DNMT3B: variants seen among roughly 807,000 people sequenced by gnomAD.
The protein encoded by DNMT3B is DNA (cytosine-5)-methyltransferase 3B.
A neutral mutation model predicts 120.2 loss-of-function variants in DNMT3B; 37 were observed. That is an observed-to-expected ratio of 0.31 (90% CI 0.24 to 0.40). The LOEUF is 0.40. DNMT3B is among the 10% of genes least tolerant of loss of function. The probability of loss-of-function intolerance (pLI) is 1.00; values close to 1 mark genes in which losing one functional copy is unlikely to be tolerated. For synonymous variants in DNMT3B, 412 were observed against 442.8 expected (o/e 0.93, Z 0.87); for missense variants, 878 against 1,137.3 (o/e 0.77, Z 3.28).
intron 21 of DNMT3B, among the ~76,000 whole-genome samples, chr20:32,805,740 T>C (rs1981900903): frequency 6.6e-6 from 1 of 152,224 alleles, no homozygotes; most frequent in Admixed American, 6.5e-5. Flanking sequence ...AGTCATAGAA[T>C]ATGAAGACCT....
Position 32,778,364 on chromosome 20 carries a change from C to CAAA in DNMT3B, c.-6-1942_-6-1940dup, listed in dbSNP as rs10633411. 5.0e-3 allele frequency among the ~76,000 whole-genome samples: 684 copies of CAAA among 138,058 alleles called. 2 individuals are homozygous for CAAA. Among genetic ancestry groups the CAAA allele is most frequent in the East Asian group, 7.0e-3 (33 of 4,738 alleles). 90.6% of individuals were successfully genotyped at this position (138,058 alleles called of 152,430 possible). A position where few individuals can be genotyped will look rare whatever the true frequency, so the allele number is the denominator to read the frequency against. On this transcript the variant is annotated intron_variant, in intron 1 of 22. Coordinates refer to ENST00000328111, the MANE Select transcript of DNMT3B (RefSeq NM_006892.4). ...CTGGCGACAGAGGGAGACTCTGTCT[C>CAAA]AAAAAAAAAAAAAATGAAAACCCTG...
Position 32,762,621 on chromosome 20 carries a change from G to A in DNMT3B, c.-85G>A, listed in dbSNP as rs1225510833. On this transcript the variant is annotated 5_prime_UTR_variant, in exon 1 of 23. Coordinates refer to ENST00000328111, the MANE Select transcript of DNMT3B (RefSeq NM_006892.4). ...ATTCGCGAGCCCAGCGCCCTGCACG[G>A]CCGCCAGCCGGCCTCCCGCCAGCCA... The A allele has an allele frequency of 7.2e-6, 2 of 279,080 alleles. No individual in the cohort carries two copies. Among genetic ancestry groups the A allele is most frequent in the Non-Finnish European group, 1.5e-5 (2 of 134,110 alleles). 17.3% of individuals were successfully genotyped at this position (279,080 alleles called of 1,614,324 possible). A position where few individuals can be genotyped will look rare whatever the true frequency, so the allele number is the denominator to read the frequency against.
chr20:32,777,506 G>C (rs951844662), intron 1 of DNMT3B, among the ~76,000 whole-genome samples: 1 of 152,102 alleles, frequency 6.6e-6, no homozygotes, highest in Non-Finnish European at 1.5e-5. Context: ...GGCGAAGGAG[G>C]TCACATCCTT....
In DNMT3B at chr20:32,765,563, T is replaced by C. The variant is rs187547137; in HGVS notation, c.-7+2864T>C. ...AACCTTCCGAGTAGCTGGGATTACA[T>C]GCGCACACCACCACGCCTGGCTAAT... On this transcript the variant is annotated intron_variant, in intron 1 of 22. Coordinates refer to ENST00000328111, the MANE Select transcript of DNMT3B (RefSeq NM_006892.4). Among the ~76,000 whole-genome samples, 144 of 147,916 alleles carry C rather than the reference T, an allele frequency of 9.7e-4. No homozygotes were observed. The East Asian group carries it at 0.017, about 17-fold the overall frequency.
chr20:32,774,801 C>A (rs1568824852), intron 1 of DNMT3B, among the ~76,000 whole-genome samples: 1 of 152,048 alleles, frequency 6.6e-6, no homozygotes, highest in Non-Finnish European at 1.5e-5. Flanking sequence ...CTCACTGCAA[C>A]CCCCGCCTCC....
chr20:32,786,913 CTGTCTTCTCCCTCA>C (rs1979358256), intron 5 of DNMT3B, among the ~76,000 whole-genome samples: 1 of 152,230 alleles, frequency 6.6e-6, no homozygotes, highest in African/African-American at 2.4e-5. Context: ...ACATCCAGAA[CTGTCTTCTCCCTCA>C]TGTCTTCTTC....
chr20:32,791,769 A>C, intron 8 of DNMT3B, 61 bp downstream of exon 8: 4 of 1,581,548 alleles, frequency 2.5e-6, no homozygotes, highest in Non-Finnish European at 3.5e-6. Flanking sequence ...CAAGAGACCC[A>C]CAGAAACCTA....
At chr20:32,778,437 A>G (rs6141813) in intron 1 of DNMT3B, among the ~76,000 whole-genome samples, 32,638 of 151,758 alleles carry the variant, frequency 0.22, 3,822 homozygotes, top group East Asian at 0.37. Context: ...GCCAGCTCCC[A>G]CTTCCAACAG....
rs1466800255 is a variant in DNMT3B at position 32,809,326 on chromosome 20, C to T, written c.*1423C>T. 5 of 208,748 alleles carry T rather than the reference C, an allele frequency of 2.4e-5. No homozygotes were observed. The Admixed American group carries it at 3.0e-4, about 12-fold the overall frequency. The allele number at this position is 208,748 out of a possible 1,614,324, so 12.9% of individuals were successfully genotyped here. A position where few individuals can be genotyped will look rare whatever the true frequency, so the allele number is the denominator to read the frequency against. On this transcript the variant is annotated 3_prime_UTR_variant, in exon 23 of 23. Transcript: ENST00000328111. ...AAGATGACGGATGCCTAGAGTTTACCTTATGTTTAATTAAAATCAGTATTT... is the reference window on the plus strand; with the variant it reads ...AAGATGACGGATGCCTAGAGTTTACTTTATGTTTAATTAAAATCAGTATTT...
chr20:32,800,550 C>T (rs570092506), intron 17 of DNMT3B, among the ~76,000 whole-genome samples: 1 of 152,238 alleles, frequency 6.6e-6, no homozygotes, highest in East Asian at 1.9e-4. Flanking sequence ...CCTCTGCCTC[C>T]CGGGTTTAAG....
chr20:32,778,314 G>A (rs755254236), intron 1 of DNMT3B, among the ~76,000 whole-genome samples: 34 of 151,704 alleles, frequency 2.2e-4, no homozygotes, highest in Non-Finnish European at 1.2e-4. Flanking sequence ...CCAGCCTGGC[G>A]GAGGTCGCAC....
At chr20:32,795,823 T>C in intron 12 of DNMT3B, 129 bp downstream of exon 12, 1 of 1,204,266 alleles carries the variant, frequency 8.3e-7, no homozygotes, top group South Asian at 1.3e-5. Context: ...GGCCAAGGCC[T>C]ATTTCTGGAC....
rs767733477 is a variant in DNMT3B, at chr20:32,792,666, C to G, written c.962C>G (p.Pro321Arg). 6.2e-7 allele frequency: 1 copy of G among 1,614,146 alleles called. No homozygotes were observed. Among genetic ancestry groups the G allele is most frequent in the Non-Finnish European group, 8.5e-7 (1 of 1,180,050 alleles). Residue 321 changes from proline (P) to arginine (R), a missense_variant, in exon 9 of 23, where the codon CCT becomes CGT. By Grantham distance (103) the Pro-to-Arg change is moderately radical. Coordinates refer to ENST00000328111, the MANE Select transcript of DNMT3B (RefSeq NM_006892.4). The stretch of plus-strand genomic sequence containing the variant: ...GCTGGCAAGACCTTCCCCAGCAGCC[C>G]TGGAGACTCATTGGAGGACCAGCTG... ...VRAGKTFPSS[P>R]GDSLEDQLKP...
At chr20:32,772,696 C>T (rs1255726876) in intron 1 of DNMT3B, among the ~76,000 whole-genome samples, 1 of 151,990 alleles carries the variant, frequency 6.6e-6, no homozygotes, top group Non-Finnish European at 1.5e-5. Context: ...AGTTTAGACT[C>T]TAAAGTTACT....
At chr20:32,800,678 C>G (rs1298457226) in intron 17 of DNMT3B, among the ~76,000 whole-genome samples, 157 bp from the exon 18 acceptor site, 1 of 152,128 alleles carries the variant, frequency 6.6e-6, no homozygotes, top group Non-Finnish European at 1.5e-5. Context: ...AAGCTGGTCT[C>G]GAACTCCTGA....
intron 1 of DNMT3B, among the ~76,000 whole-genome samples, chr20:32,765,836 A>T (rs1987331864): frequency 6.9e-6 from 1 of 144,928 alleles, no homozygotes; most frequent in Non-Finnish European, 1.5e-5. Context: ...GCTCACTGCA[A>T]GCTCCGCCCC....
At chr20:32,771,635 C>CAAAAA (rs10625883) in intron 1 of DNMT3B, among the ~76,000 whole-genome samples, 12 of 87,918 alleles carry the variant, frequency 1.4e-4, no homozygotes, top group African/African-American at 4.9e-4. Context: ...GACCGCATCT[C>CAAAAA]AAAAAAAAAA....
chr20:32,787,713 G>A (rs915678164), intron 6 of DNMT3B, among the ~76,000 whole-genome samples: 3 of 152,078 alleles, frequency 2.0e-5, no homozygotes, highest in African/African-American at 7.2e-5. Flanking sequence ...TTTATGTAAG[G>A]ACTGCAACTG....
At chr20:32,799,167 G>T (rs1981017126) in intron 15 of DNMT3B, 77 bp from the exon 16 acceptor site, 2 of 1,520,420 alleles carry the variant, frequency 1.3e-6, no homozygotes, top group Non-Finnish European at 9.0e-7. Flanking sequence ...TCTGAGCAGG[G>T]TCAGCCTGCC....
Sources: gnomAD v4.1 joint callset for allele counts (sites outside exome capture counted in the v4.1 genomes callset) on GRCh38, gnomAD v4.1.1 for gene constraint, MANE v1.5 for transcripts, NCBI Gene and HGNC (gene_info 2026-07-23, HGNC 2026-07-21) for gene names.